Variants in UBAC2 observed in about 807,000 individuals in gnomAD.
The protein encoded by UBAC2 is UBA domain containing 2, also known as ubiquitin-associated domain-containing protein 2.
Under a neutral mutation model 44.0 loss-of-function variants are expected in UBAC2, and 26 were observed. The observed-to-expected ratio is 0.59, with a 90% CI of 0.43 to 0.82. The LOEUF (loss-of-function observed/expected upper bound fraction) is 0.82. UBAC2 is among the 40% of genes least tolerant of loss of function. UBAC2 has a pLI of 0.00. For missense variants in UBAC2, 329 were observed against 419.4 expected, an observed-to-expected ratio of 0.78 and a Z score of 1.88; for synonymous variants, 155 against 154.3, an observed-to-expected ratio of 1.00 and a Z score of -0.04.
At chr13:99,348,395 C>A (rs1034895941) in intron 7 of UBAC2, among the ~76,000 whole-genome samples, 5 of 152,062 alleles carry the variant, frequency 3.3e-5, no homozygotes, top group Admixed American at 6.6e-5. Flanking sequence ...AGGGATACAG[C>A]GAGGGTAATC....
At chr13:99,201,393 A>G in intron 1 of UBAC2, 1 of 1,604,738 alleles carries the variant, frequency 6.2e-7, no homozygotes, top group Middle Eastern at 1.7e-4. Context: ...TTAGAAGCTG[A>G]CCTCTCAGTT....
At chr13:99,220,344 G>A (rs2043040276) in intron 1 of UBAC2, among the ~76,000 whole-genome samples, 1 of 152,044 alleles carries the variant, frequency 6.6e-6, no homozygotes, top group Non-Finnish European at 1.5e-5. Context: ...GTGCTTCAGG[G>A]CTATTATAGT....
chr13:99,221,471 C>T (rs2043051486), intron 1 of UBAC2, among the ~76,000 whole-genome samples: 1 of 152,184 alleles, frequency 6.6e-6, no homozygotes, highest in African/African-American at 2.4e-5. Flanking sequence ...TCCGGATTAT[C>T]AGAGCTTGAA....
At chr13:99,315,077 T>A (rs1195193332) in intron 5 of UBAC2, among the ~76,000 whole-genome samples, 4 of 152,172 alleles carry the variant, frequency 2.6e-5, no homozygotes, top group Non-Finnish European at 4.4e-5. Flanking sequence ...GCATTTCCTC[T>A]CACTTCTCCA....
At chr13:99,233,446 C>A (rs1014791107) in intron 1 of UBAC2, among the ~76,000 whole-genome samples, 1 of 152,124 alleles carries the variant, frequency 6.6e-6, no homozygotes, top group African/African-American at 2.4e-5. Context: ...TCCCAACATT[C>A]CCTAACAGGG....
At chr13:99,248,515 C>G (rs2043417656) in intron 4 of UBAC2, among the ~76,000 whole-genome samples, 1 of 151,938 alleles carries the variant, frequency 6.6e-6, no homozygotes, top group Non-Finnish European at 1.5e-5. Flanking sequence ...CCTTAGTCTC[C>G]TAAGTGGCTG....
At chr13:99,242,963 A>T (rs1364300748) in intron 2 of UBAC2, among the ~76,000 whole-genome samples, 2 of 140,748 alleles carry the variant, frequency 1.4e-5, no homozygotes, top group African/African-American at 5.4e-5. Context: ...GGCGGCCGGG[A>T]AGAGGCGCTC....
chr13:99,290,743 AAG>A (rs1491062696), intron 4 of UBAC2, among the ~76,000 whole-genome samples: 1 of 149,714 alleles, frequency 6.7e-6, no homozygotes, highest in African/African-American at 2.5e-5. Context: ...AAAAAAAAAA[AAG>A]AAAGAAAGAA....
intron 4 of UBAC2, among the ~76,000 whole-genome samples, chr13:99,302,803 C>T (rs1024851811): frequency 6.6e-6 from 1 of 152,198 alleles, no homozygotes; most frequent in Non-Finnish European, 1.5e-5. Flanking sequence ...TAATAATACG[C>T]TGCTAACCAA....
At chr13:99,335,355 T>A (rs1345836801) in intron 6 of UBAC2, among the ~76,000 whole-genome samples, 1 of 151,442 alleles carries the variant, frequency 6.6e-6, no homozygotes, top group African/African-American at 2.4e-5. Flanking sequence ...GCATTTCTAC[T>A]TCCTTGCCTC....
intron 2 of UBAC2, among the ~76,000 whole-genome samples, chr13:99,239,361 C>T (rs538295115): frequency 3.9e-5 from 6 of 152,210 alleles, no homozygotes; most frequent in African/African-American, 9.6e-5. Context: ...CCCGGACACA[C>T]ATTAGAATCA....
At chr13:99,241,857 T>C (rs2043304297) in intron 2 of UBAC2, among the ~76,000 whole-genome samples, 1 of 149,708 alleles carries the variant, frequency 6.7e-6, no homozygotes, top group Non-Finnish European at 1.5e-5. Context: ...CAAAGGTCTC[T>C]GGTTTTCCTA....
chr13:99,203,878 A>G (rs946057380), intron 1 of UBAC2, among the ~76,000 whole-genome samples: 1 of 152,210 alleles, frequency 6.6e-6, no homozygotes, highest in Non-Finnish European at 1.5e-5. Flanking sequence ...GGACAGCAAT[A>G]CAGTTTCAGA....
chr13:99,296,991 TTCA>T (rs1194900383), intron 4 of UBAC2, among the ~76,000 whole-genome samples: 1 of 152,204 alleles, frequency 6.6e-6, no homozygotes, highest in African/African-American at 2.4e-5. Flanking sequence ...ACCAAACATC[TTCA>T]TGTCAGTGCA....
intron 7 of UBAC2, among the ~76,000 whole-genome samples, chr13:99,366,797 G>T (rs930544632): frequency 6.6e-6 from 1 of 152,140 alleles, no homozygotes; most frequent in South Asian, 2.1e-4. Context: ...CTGCTCCCCC[G>T]TCTCCCAGGC....
chr13:99,200,972 C>G lies in UBAC2; in HGVS notation c.31+33C>G, dbSNP rs758636662. On this transcript the variant is annotated intron_variant, in intron 1 of 8. Transcript: ENST00000403766. ...CCGGCCTCCGCCATCCTGGCTGCCC[C>G]CTACACGCCACCCTAGGCACCTCTT... The G allele has an allele frequency of 1.5e-5, 19 of 1,300,082 alleles. No homozygotes were observed. The East Asian group carries it at 1.7e-4, about 12-fold the overall frequency. 80.5% of individuals were successfully genotyped at this position (1,300,082 alleles called of 1,614,324 possible). A position where few individuals can be genotyped will look rare whatever the true frequency, so the allele number is the denominator to read the frequency against.
intron 1 of UBAC2, chr13:99,215,560 G>A: frequency 6.9e-7 from 1 of 1,439,452 alleles, no homozygotes; most frequent in Middle Eastern, 2.4e-4. Context: ...GCCAGTTCAA[G>A]TCCCTCTGCG....
chr13:99,296,582 ATT>A (rs2044177531), intron 4 of UBAC2, among the ~76,000 whole-genome samples: 1 of 152,172 alleles, frequency 6.6e-6, no homozygotes. Context: ...TTTAAATTTA[ATT>A]TCAGTTGGAT....
intron 6 of UBAC2, among the ~76,000 whole-genome samples, chr13:99,321,658 T>A (rs1174329663): frequency 6.6e-6 from 1 of 152,210 alleles, no homozygotes; most frequent in Non-Finnish European, 1.5e-5. Flanking sequence ...ATTATAGATG[T>A]CTTTGAATAT....
Sources: gnomAD v4.1 joint callset for allele counts (sites outside exome capture counted in the v4.1 genomes callset) on GRCh38, gnomAD v4.1.1 for gene constraint, MANE v1.5 for transcripts, NCBI Gene and HGNC (gene_info 2026-07-23, HGNC 2026-07-21) for gene names.